Variants in MGAT4C observed in about 807,000 individuals in gnomAD.
MGAT4C encodes the protein MGAT4 family member C, also known as alpha-1,3-mannosyl-glycoprotein 4-beta-N-acetylglucosaminyltransferase C.
A neutral mutation model predicts 40.1 loss-of-function variants in MGAT4C; 19 were observed. That is an observed-to-expected ratio of 0.47 (90% CI 0.33 to 0.70). The LOEUF is 0.70. Among genes scored for constraint, MGAT4C ranks in the 30% least tolerant of loss-of-function variants. MGAT4C has a pLI of 0.02. For synonymous variants in MGAT4C, 181 were observed against 187.1 expected (o/e 0.97, Z 0.27); for missense variants, 491 against 563.2 (o/e 0.87, Z 1.30).
intron 4 of MGAT4C, among the ~76,000 whole-genome samples, chr12:86,304,654 G>A (rs564138877): frequency 6.6e-6 from 1 of 150,812 alleles, no homozygotes; most frequent in East Asian, 2.0e-4. Flanking sequence ...ATGTACCTGT[G>A]AAGATGACCT....
upstream of MGAT4C, among the ~76,000 whole-genome samples, chr12:86,260,700 T>C (rs1207596396): frequency 1.3e-5 from 2 of 152,200 alleles, no homozygotes; most frequent in African/African-American, 4.8e-5. Context: ...GTATATTTTA[T>C]GCACCATGAC....
chr12:86,715,554 T>C (rs1016404512), intron 2 of MGAT4C, among the ~76,000 whole-genome samples: 2 of 152,280 alleles, frequency 1.3e-5, no homozygotes, highest in South Asian at 4.1e-4. Context: ...TGTTGTGGTT[T>C]GTGCAAACAT....
At chr12:86,433,328 TCA>T (rs976394572) in intron 3 of MGAT4C, among the ~76,000 whole-genome samples, 1 of 135,000 alleles carries the variant, frequency 7.4e-6, no homozygotes, top group Non-Finnish European at 1.6e-5. Context: ...ATACACACAT[TCA>T]CACACACACG....
At chr12:86,817,098 C>T (rs991798690) in intron 1 of MGAT4C, among the ~76,000 whole-genome samples, 1 of 150,348 alleles carries the variant, frequency 6.7e-6, no homozygotes. Flanking sequence ...CATTAATTTT[C>T]AAGCATTCTT....
At chr12:86,528,537 T>C (rs1958923510) in intron 2 of MGAT4C, among the ~76,000 whole-genome samples, 1 of 152,078 alleles carries the variant, frequency 6.6e-6, no homozygotes, top group Non-Finnish European at 1.5e-5. Flanking sequence ...AAGTTAGAAA[T>C]ATATCATAAT....
intron 2 of MGAT4C, among the ~76,000 whole-genome samples, chr12:86,488,853 G>C (rs1426552169): frequency 6.6e-6 from 1 of 151,890 alleles, no homozygotes; most frequent in Admixed American, 6.6e-5. Context: ...TATTTCAACA[G>C]CAAAAAAAAT....
upstream of MGAT4C, among the ~76,000 whole-genome samples, chr12:86,257,202 A>G (rs977513044): frequency 6.6e-6 from 1 of 152,158 alleles, no homozygotes; most frequent in African/African-American, 2.4e-5. Flanking sequence ...CTTACCTTCT[A>G]TCTTGACAAA....
At chr12:86,593,053 T>C (rs993491645) in intron 2 of MGAT4C, among the ~76,000 whole-genome samples, 1 of 152,114 alleles carries the variant, frequency 6.6e-6, no homozygotes, top group Non-Finnish European at 1.5e-5. Context: ...CTTGTCTTCC[T>C]TTAATTCTCA....
intron 2 of MGAT4C, among the ~76,000 whole-genome samples, chr12:86,490,509 C>A (rs1210314585): frequency 6.6e-6 from 1 of 151,812 alleles, no homozygotes; most frequent in Non-Finnish European, 1.5e-5. Context: ...GAAGAAACTG[C>A]ATCAATTAAT....
rs1053669271 is a variant in MGAT4C, at chr12:86,003,720, G to A, written c.-6-14168C>T. Among the ~76,000 whole-genome samples, 4 of 151,088 alleles carry A rather than the reference G, an allele frequency of 2.6e-5. No individual in the cohort carries two copies. The East Asian group carries it at 7.9e-4, about 30-fold the overall frequency. ...ACTCACTAAATATCTAGGTCATTAC[G>A]AAGTTTTGTGAAGTTGTGAAGTTTT... On this transcript the variant is annotated intron_variant, in intron 2 of 4. Coordinates refer to ENST00000611864, the MANE Select transcript of MGAT4C (RefSeq NM_001351288.2).
intron 1 of MGAT4C, among the ~76,000 whole-genome samples, chr12:86,778,090 C>A (rs1454393323): frequency 6.6e-6 from 1 of 152,134 alleles, no homozygotes; most frequent in East Asian, 1.9e-4. Context: ...GCTTGGCCTG[C>A]ATCAAGGCCT....
At chr12:86,653,169 A>G (rs1230602420) in intron 2 of MGAT4C, among the ~76,000 whole-genome samples, 1 of 151,930 alleles carries the variant, frequency 6.6e-6, no homozygotes, top group Admixed American at 6.6e-5. Flanking sequence ...AATTATATTC[A>G]TTTGTATCAT....
intron 1 of MGAT4C, among the ~76,000 whole-genome samples, chr12:86,180,934 T>A (rs1191768331): frequency 3.3e-5 from 5 of 151,550 alleles, no homozygotes; most frequent in Non-Finnish European, 7.4e-5. Flanking sequence ...TTTGGAGGGG[T>A]TGGGATGGAA....
At chr12:86,534,676 T>A (rs369185471) in intron 2 of MGAT4C, among the ~76,000 whole-genome samples, 29 of 152,184 alleles carry the variant, frequency 1.9e-4, no homozygotes, top group African/African-American at 7.0e-4. Flanking sequence ...CCATGGATAG[T>A]AACTATGTCT....
chr12:86,659,868 C>A (rs1963938489), intron 2 of MGAT4C, among the ~76,000 whole-genome samples: 1 of 151,636 alleles, frequency 6.6e-6, no homozygotes, highest in African/African-American at 2.4e-5. Context: ...ACAAAACCAT[C>A]CAAGAAGGTT....
chr12:86,177,112 C>A (rs1176884886), intron 1 of MGAT4C, among the ~76,000 whole-genome samples: 1 of 151,798 alleles, frequency 6.6e-6, no homozygotes, highest in Admixed American at 6.6e-5. Context: ...ATGAAATTGA[C>A]CTGCAACTCT....
chr12:86,682,455 TTAA>T lies in MGAT4C; in HGVS notation c.-229+44751_-229+44753del, dbSNP rs1195523682. The stretch of plus-strand genomic sequence containing the variant: ...GTAGTTTTTATCTTCTCTGAACCAT[TTAA>T]TAAGATCTATATTTAAATGTAGTCT... On this transcript the variant is annotated intron_variant, in intron 2 of 7. Transcript: ENST00000548651. Among the ~76,000 whole-genome samples, 5 of 152,160 alleles carry T rather than the reference TTAA, an allele frequency of 3.3e-5. No homozygotes were observed. In the East Asian group the frequency reaches 9.7e-4, roughly 29 times the overall value.
chr12:86,707,792 A>C (rs1056053265), intron 2 of MGAT4C, among the ~76,000 whole-genome samples: 2 of 152,010 alleles, frequency 1.3e-5, no homozygotes, highest in African/African-American at 4.8e-5. Context: ...CAGCCTCCCA[A>C]AATGCTGGGA....
chr12:86,449,127 C>T (rs1222451382), intron 2 of MGAT4C, among the ~76,000 whole-genome samples: 2 of 152,008 alleles, frequency 1.3e-5, no homozygotes, highest in African/African-American at 4.8e-5. Flanking sequence ...GGCTACAAAA[C>T]GTTTAGGTGG....
Sources: gnomAD v4.1 joint callset for allele counts (sites outside exome capture counted in the v4.1 genomes callset) on GRCh38, gnomAD v4.1.1 for gene constraint, MANE v1.5 for transcripts, NCBI Gene and HGNC (gene_info 2026-07-23, HGNC 2026-07-21) for gene names.